EXOC6B: variants seen among roughly 807,000 people sequenced by gnomAD.
EXOC6B encodes exocyst complex component 6B.
A neutral mutation model predicts 113.5 loss-of-function variants in EXOC6B; 54 were observed. The ratio of observed to expected loss-of-function variants is 0.48; its 90% CI spans 0.38 to 0.60. The LOEUF (loss-of-function observed/expected upper bound fraction) is 0.60, where lower values mean the gene tolerates loss of function less well. Ranked by LOEUF, EXOC6B falls within the 20% of genes least tolerant of loss-of-function variation. The probability of loss-of-function intolerance (pLI) is 0.00; values close to 1 mark genes in which losing one functional copy is unlikely to be tolerated. For synonymous variants in EXOC6B, 357 were observed against 339.0 expected (o/e 1.05, Z -0.58); for missense variants, 797 against 977.5 (o/e 0.82, Z 2.46).
intron 20 of EXOC6B, among the ~76,000 whole-genome samples, chr2:72,193,952 T>C (rs1404946374): frequency 6.6e-6 from 1 of 152,210 alleles, no homozygotes; most frequent in South Asian, 2.1e-4. Context: ...TACATAATTA[T>C]CTATGCTGCT....
chr2:72,476,713 A>T (rs551773221), intron 17 of EXOC6B, among the ~76,000 whole-genome samples: 55 of 152,130 alleles, frequency 3.6e-4, no homozygotes, highest in Admixed American at 6.5e-5. Flanking sequence ...TTTAAATGCA[A>T]CATCCCTCAC....
chr2:72,366,890 T>C (rs907959085), intron 19 of EXOC6B, among the ~76,000 whole-genome samples: 2 of 151,334 alleles, frequency 1.3e-5, no homozygotes, highest in African/African-American at 2.4e-5. Context: ...GAATTTAATA[T>C]AAGTGGAATT....
intron 20 of EXOC6B, among the ~76,000 whole-genome samples, chr2:72,189,567 A>T (rs1354272695): frequency 6.6e-6 from 1 of 152,180 alleles, no homozygotes; most frequent in African/African-American, 2.4e-5. Context: ...GCCTAACCCA[A>T]TCTTTACTAT....
Position 72,825,971 on chromosome 2 carries a change from C to G in EXOC6B, c.-61G>C, listed in dbSNP as rs1047085127. 24 of 1,585,612 alleles carry G rather than the reference C, an allele frequency of 1.5e-5. 1 individual carries two copies. In the South Asian group the frequency reaches 2.3e-4, roughly 15 times the overall value. ...GGCTCGGCTCACCTTTTCCCTGCCC[C>G]ACAATGCCGCTCCCACCACAGGCTC... On this transcript the variant is annotated 5_prime_UTR_variant, in exon 1 of 22. Transcript: ENST00000272427. The surrounding 1 kb of genome is among the most constrained non-coding windows in gnomAD (Gnocchi z 4.4).
intron 6 of EXOC6B, among the ~76,000 whole-genome samples, chr2:72,588,921 T>C (rs1219637716): frequency 2.0e-5 from 3 of 151,998 alleles, no homozygotes; most frequent in Non-Finnish European, 4.4e-5. Flanking sequence ...TATTACCTTT[T>C]TCCTTTACAT....
At chr2:72,635,380 T>A (rs1239281700) in intron 6 of EXOC6B, among the ~76,000 whole-genome samples, 3 of 152,124 alleles carry the variant, frequency 2.0e-5, no homozygotes, top group Admixed American at 6.5e-5. Context: ...GCTATCACCA[T>A]GGGCTGTGCA....
At chr2:72,520,546 C>A (rs1175944899) in intron 8 of EXOC6B, among the ~76,000 whole-genome samples, 1 of 152,082 alleles carries the variant, frequency 6.6e-6, no homozygotes, top group African/African-American at 2.4e-5. Flanking sequence ...TTTGTTTTCC[C>A]ATTTACTCTA....
At chr2:72,804,922 TC>T (rs1685497726) in intron 1 of EXOC6B, among the ~76,000 whole-genome samples, 1 of 152,058 alleles carries the variant, frequency 6.6e-6, no homozygotes, top group African/African-American at 2.4e-5. Flanking sequence ...AAAAAAGATA[TC>T]CCAGATACCA....
intron 20 of EXOC6B, among the ~76,000 whole-genome samples, chr2:72,271,030 T>C (rs1347165549): frequency 6.6e-6 from 1 of 152,196 alleles, no homozygotes; most frequent in East Asian, 1.9e-4. Flanking sequence ...CATAATTGCT[T>C]GAGTAATGCT....
At chr2:72,317,559 T>TCACACACACACACA (rs72124979) in intron 20 of EXOC6B, among the ~76,000 whole-genome samples, 18 of 140,690 alleles carry the variant, frequency 1.3e-4, no homozygotes, top group African/African-American at 3.6e-4. Flanking sequence ...TATGAACACA[T>TCACACACACACACA]CACACACACA....
At position 72,661,263 on chromosome 2, in the gene EXOC6B, G is replaced by T. The variant is rs1419314267; in HGVS notation, c.669+56840C>A. On this transcript the variant is annotated intron_variant, in intron 6 of 21. Coordinates refer to ENST00000272427, the MANE Select transcript of EXOC6B (RefSeq NM_015189.3). ...AGCCAGAGGACAAAAAAGAAAAGCA[G>T]CAGGAAACTGAAAATCAATGGCACA... Among the ~76,000 whole-genome samples the T allele has an allele frequency of 1.2e-3, 185 of 150,974 alleles. 3 individuals carry two copies. In the East Asian group the frequency reaches 0.033, roughly 27 times the overall value.
At chr2:72,398,451 C>T (rs1346149447) in intron 18 of EXOC6B, among the ~76,000 whole-genome samples, 5 of 152,226 alleles carry the variant, frequency 3.3e-5, no homozygotes, top group Admixed American at 3.3e-4. Context: ...AATCCCAGCA[C>T]TTTCAGAGGC....
intron 5 of EXOC6B, among the ~76,000 whole-genome samples, chr2:72,725,652 A>G (rs1680254443): frequency 6.6e-6 from 1 of 152,212 alleles, no homozygotes; most frequent in Non-Finnish European, 1.5e-5. Flanking sequence ...TCGGCCTCCC[A>G]AAGTGCTGGG....
At chr2:72,461,580 C>T (rs2105401696) in intron 18 of EXOC6B, 1 of 151,740 alleles carries the variant, frequency 6.6e-6, no homozygotes, top group Non-Finnish European at 1.5e-5. Flanking sequence ...TTTGTGAACA[C>T]ATTTGTTTGT....
At chr2:72,742,920 AT>A (rs757045055) in intron 1 of EXOC6B, among the ~76,000 whole-genome samples, 1 of 152,182 alleles carries the variant, frequency 6.6e-6, no homozygotes, top group Non-Finnish European at 1.5e-5. Context: ...TTTAAAAGCC[AT>A]CTCAGTATTT....
chr2:72,442,663 C>T (rs1696280786), intron 18 of EXOC6B, among the ~76,000 whole-genome samples: 2 of 152,028 alleles, frequency 1.3e-5, no homozygotes, highest in Middle Eastern at 3.2e-3. Flanking sequence ...GAATAAAATA[C>T]CTAGGAATAC....
chr2:72,311,679 A>T (rs115215592), intron 20 of EXOC6B, among the ~76,000 whole-genome samples: 1,641 of 152,248 alleles, frequency 0.011, 30 homozygotes, highest in African/African-American at 0.037. Context: ...AGGGATTAAG[A>T]TGTTGACACC....
At chr2:72,570,051 A>G (rs542345782) in intron 7 of EXOC6B, among the ~76,000 whole-genome samples, 27 of 152,274 alleles carry the variant, frequency 1.8e-4, no homozygotes, top group Non-Finnish European at 2.6e-4. Flanking sequence ...CTTAGTCCCA[A>G]TGTGACTGTA....
At chr2:72,593,230 A>G (rs1420339462) in intron 6 of EXOC6B, among the ~76,000 whole-genome samples, 1 of 152,110 alleles carries the variant, frequency 6.6e-6, no homozygotes, top group Non-Finnish European at 1.5e-5. Context: ...CTAATAAACT[A>G]TGTTTATTAG....
Sources: gnomAD v4.1 joint callset for allele counts (sites outside exome capture counted in the v4.1 genomes callset) on GRCh38, gnomAD v4.1.1 for gene constraint, Gnocchi (gnomAD v3.1) non-coding constraint, MANE v1.5 for transcripts, NCBI Gene and HGNC (gene_info 2026-07-23, HGNC 2026-07-21) for gene names.